EPHA7: variants seen among roughly 807,000 people sequenced by gnomAD.
EPHA7 encodes the protein ephrin type-A receptor 7.
A neutral mutation model predicts 112.6 loss-of-function variants in EPHA7; 25 were observed. The ratio of observed to expected loss-of-function variants is 0.22; its 90% confidence interval spans 0.16 to 0.31. The LOEUF (loss-of-function observed/expected upper bound fraction) is 0.31, where lower values mean the gene tolerates loss of function less well. EPHA7 is among the 10% of genes least tolerant of loss of function. EPHA7 has a pLI of 1.00. For synonymous variants in EPHA7, 437 were observed against 406.5 expected (o/e 1.07, Z -0.90); for missense variants, 962 against 1,212.6 (o/e 0.79, Z 3.07).
At chr6:93,285,221 AGTT>A (rs1381160839) in intron 5 of EPHA7, among the ~76,000 whole-genome samples, 3 of 152,100 alleles carry the variant, frequency 2.0e-5, no homozygotes, top group South Asian at 2.1e-4. Context: ...TCTATTTTAA[AGTT>A]GTTGTTTTAC....
chr6:93,318,007 T>G (rs1054470651), intron 5 of EPHA7, among the ~76,000 whole-genome samples: 1 of 152,168 alleles, frequency 6.6e-6, no homozygotes, highest in African/African-American at 2.4e-5. Context: ...CATTTCTTTT[T>G]GATAGAAATA....
intron 3 of EPHA7, among the ~76,000 whole-genome samples, chr6:93,373,405 A>C (rs351328): frequency 0.93 from 141,127 of 152,094 alleles, 65,497 homozygotes; most frequent in East Asian, 1. Flanking sequence ...GCCCTGACTT[A>C]TTAGAAATGG....
chr6:93,291,496 C>T (rs1396984925), intron 5 of EPHA7, among the ~76,000 whole-genome samples: 4 of 151,968 alleles, frequency 2.6e-5, no homozygotes. Context: ...GGGCCGGGCG[C>T]GGTGGCTCAC....
chr6:93,310,725 A>G (rs558217298), intron 5 of EPHA7, among the ~76,000 whole-genome samples: 8 of 152,204 alleles, frequency 5.3e-5, no homozygotes, highest in East Asian at 1.9e-4. Context: ...TGGCAACAGC[A>G]TTATATCTAA....
intron 3 of EPHA7, among the ~76,000 whole-genome samples, chr6:93,404,382 T>A (rs1778586846): frequency 6.6e-6 from 1 of 152,020 alleles, no homozygotes; most frequent in Middle Eastern, 3.4e-3. Flanking sequence ...CATAAAAGAC[T>A]TTGCAATAGA....
intron 6 of EPHA7, among the ~76,000 whole-genome samples, chr6:93,270,842 G>A (rs1771181433): frequency 6.6e-6 from 1 of 151,706 alleles, no homozygotes; most frequent in Non-Finnish European, 1.5e-5. Flanking sequence ...ACGCATGCGT[G>A]CATATACATT....
At chr6:93,357,592 G>A (rs1479736802) in intron 4 of EPHA7, among the ~76,000 whole-genome samples, 2 of 151,550 alleles carry the variant, frequency 1.3e-5, no homozygotes, top group Admixed American at 6.6e-5. Flanking sequence ...TTTAGTAATG[G>A]AATTTTAATT....
intron 7 of EPHA7, among the ~76,000 whole-genome samples, chr6:93,265,800 A>T (rs553340919): frequency 9.2e-5 from 14 of 151,852 alleles, no homozygotes; most frequent in Admixed American, 8.6e-4. Context: ...GTTGATGGCA[A>T]GGGACTAGAT....
At chr6:93,295,736 A>T (rs1425614364) in intron 5 of EPHA7, among the ~76,000 whole-genome samples, 3 of 151,768 alleles carry the variant, frequency 2.0e-5, no homozygotes, top group Non-Finnish European at 4.4e-5. Flanking sequence ...TTTATCTATC[A>T]TGTATACTAC....
At chr6:93,249,763 T>A (rs1406421969) in intron 14 of EPHA7, among the ~76,000 whole-genome samples, 1 of 152,172 alleles carries the variant, frequency 6.6e-6, no homozygotes, top group Non-Finnish European at 1.5e-5. Flanking sequence ...AATAATGTTT[T>A]AAAATGTAAA....
chr6:93,259,723 C>T (rs960615110), intron 9 of EPHA7, among the ~76,000 whole-genome samples: 7 of 151,924 alleles, frequency 4.6e-5, no homozygotes, highest in African/African-American at 1.7e-4. Flanking sequence ...AGTAAATCAA[C>T]AAAAGACATT....
At chr6:93,246,210 C>T (rs1421629867) in intron 15 of EPHA7, among the ~76,000 whole-genome samples, 1 of 151,978 alleles carries the variant, frequency 6.6e-6, no homozygotes, top group Non-Finnish European at 1.5e-5. Context: ...CGCCACCACG[C>T]CCAGCTAATT....
intron 5 of EPHA7, among the ~76,000 whole-genome samples, chr6:93,291,516 C>T (rs1772364020): frequency 6.6e-6 from 1 of 151,886 alleles, no homozygotes; most frequent in South Asian, 2.1e-4. Context: ...CGCCTGTAAT[C>T]CCAGCACTTT....
In EPHA7 at chr6:93,245,369, C is replaced by T; in HGVS notation, c.2811G>A (p.Met937Ile). Residue 937 changes from methionine (M) to isoleucine (I), a missense_variant, in exon 16 of 17, where the codon ATG becomes ATA. Met to Ile is a conservative substitution (Grantham distance 10, BLOSUM62 1). Transcript: ENST00000369303. Reference sequence around the variant, plus strand: ...CCGTGAAATTATCTTTATATCTTTCCATCTTAATAGCTTGTAGCCATTCTC... The same window carrying T: ...CCGTGAAATTATCTTTATATCTTTCTATCTTAATAGCTTGTAGCCATTCTC... ...SVGEWLQAIK[M>I]ERYKDNFTAA... 6.2e-7 allele frequency: 1 copy of T among 1,613,662 alleles called. No homozygotes were observed.
At chr6:93,330,373 T>C (rs1582533207) in intron 5 of EPHA7, among the ~76,000 whole-genome samples, 1 of 151,306 alleles carries the variant, frequency 6.6e-6, no homozygotes, top group East Asian at 1.9e-4. Flanking sequence ...ACTACAGTGT[T>C]ATAGAACACC....
chr6:93,253,471 G>T (rs1770305787), intron 14 of EPHA7, among the ~76,000 whole-genome samples: 1 of 151,678 alleles, frequency 6.6e-6, no homozygotes, highest in Admixed American at 6.6e-5. Flanking sequence ...AATGTTAGTT[G>T]TCTAAAAATC....
At chr6:93,390,521 T>C (rs936331642) in intron 3 of EPHA7, among the ~76,000 whole-genome samples, 1 of 151,388 alleles carries the variant, frequency 6.6e-6, no homozygotes, top group African/African-American at 2.4e-5. Context: ...TCTTTAGGCA[T>C]TGACTGTCAT....
At chr6:93,285,533 C>T (rs1001155859) in intron 5 of EPHA7, among the ~76,000 whole-genome samples, 5 of 152,032 alleles carry the variant, frequency 3.3e-5, no homozygotes, top group Non-Finnish European at 5.9e-5. Flanking sequence ...GATAAGAAAT[C>T]GAAAACAATT....
intron 3 of EPHA7, among the ~76,000 whole-genome samples, chr6:93,381,524 T>G (rs961250943): frequency 6.6e-6 from 1 of 152,124 alleles, no homozygotes; most frequent in Admixed American, 6.6e-5. Flanking sequence ...AGCTGCTACT[T>G]TTGGCATCAT....
Sources: gnomAD v4.1 joint callset for allele counts (sites outside exome capture counted in the v4.1 genomes callset) on GRCh38, gnomAD v4.1.1 for gene constraint, MANE v1.5 for transcripts, NCBI Gene and HGNC (gene_info 2026-07-23, HGNC 2026-07-21) for gene names.